Variants in TJP1 observed in about 807,000 individuals in gnomAD.
The protein encoded by TJP1 is tight junction protein 1, also known as tight junction protein ZO-1.
A neutral mutation model predicts 194.2 loss-of-function variants in TJP1; 43 were observed. That is an observed-to-expected ratio of 0.22 (90% CI 0.17 to 0.29). The LOEUF is 0.29. Among genes scored for constraint, TJP1 ranks in the 10% least tolerant of loss-of-function variants. TJP1 has a pLI of 1.00. For synonymous variants in TJP1, 801 were observed against 779.0 expected (o/e 1.03, Z -0.47); for missense variants, 1,971 against 2,185.7 (o/e 0.90, Z 1.96).
At chr15:29,924,895 C>T (rs2054479291) in intron 2 of TJP1, among the ~76,000 whole-genome samples, 1 of 152,220 alleles carries the variant, frequency 6.6e-6, no homozygotes, top group African/African-American at 2.4e-5. Context: ...TGACTCCTCC[C>T]CATAGTCCCA....
intron 2 of TJP1, among the ~76,000 whole-genome samples, chr15:29,922,783 CAG>C (rs1459522340): frequency 3.3e-5 from 5 of 152,052 alleles, no homozygotes; most frequent in Admixed American, 2.6e-4. Context: ...AACAGGTTAA[CAG>C]TGTAATAATG....
intron 2 of TJP1, among the ~76,000 whole-genome samples, chr15:29,830,955 G>C (rs1266556435): frequency 6.6e-6 from 1 of 151,876 alleles, no homozygotes; most frequent in African/African-American, 2.4e-5. Context: ...ATCCTCAAAA[G>C]AAAAGAAACA....
chr15:29,786,652 G>A (rs375668276), intron 2 of TJP1, among the ~76,000 whole-genome samples: 1 of 152,036 alleles, frequency 6.6e-6, no homozygotes, highest in South Asian at 2.1e-4. Context: ...AGGTGGACAC[G>A]ACCATGCCTG....
At chr15:29,933,211 C>T (rs1161904500) in intron 2 of TJP1, among the ~76,000 whole-genome samples, 2 of 152,064 alleles carry the variant, frequency 1.3e-5, no homozygotes, top group African/African-American at 2.4e-5. Context: ...TGATGACATC[C>T]ATCAGTCAGT....
chr15:29,787,442 A>G (rs2047769057), intron 2 of TJP1, among the ~76,000 whole-genome samples: 1 of 152,206 alleles, frequency 6.6e-6, no homozygotes, highest in South Asian at 2.1e-4. Context: ...GAAAACACAT[A>G]CATTGGACCC....
chr15:29,818,007 A>C (rs552025014), intron 1 of TJP1, among the ~76,000 whole-genome samples: 5 of 152,024 alleles, frequency 3.3e-5, no homozygotes, highest in African/African-American at 1.2e-4. Context: ...CCCAGAACTT[A>C]ATTAAAAAAA....
chr15:29,822,468 C>A lies in TJP1; in HGVS notation c.-440G>T, dbSNP rs911176967. The stretch of plus-strand genomic sequence containing the variant: ...GCCGGCGCCGGCAACTCAGCGGCCA[C>A]GCAAACCTGCCGGCCCGGCCCACTG... On this transcript the variant is annotated 5_prime_UTR_variant, in exon 1 of 28. Coordinates refer to ENST00000614355, the MANE Select transcript of TJP1 (RefSeq NM_001330239.4). The A allele has an allele frequency of 7.1e-6, 7 of 985,360 alleles. No homozygotes were observed. The African/African-American group carries it at 1.0e-4, about 15-fold the overall frequency. The allele number at this position is 985,360 out of a possible 1,614,324, so 61.0% of individuals were successfully genotyped here.
intron 1 of TJP1, chr15:29,820,405 C>T (rs559787379): frequency 3.1e-5 from 20 of 647,190 alleles, no homozygotes; most frequent in Non-Finnish European, 5.6e-5. Context: ...TTTCAACTTG[C>T]CCTTTACTCG....
chr15:29,825,458 T>G (rs1402609865), upstream of TJP1, among the ~76,000 whole-genome samples: 1 of 152,208 alleles, frequency 6.6e-6, no homozygotes, highest in Non-Finnish European at 1.5e-5. Flanking sequence ...GACAACTTCC[T>G]GTGGGATTTT....
At chr15:29,836,402 A>T (rs1484433636) in intron 2 of TJP1, among the ~76,000 whole-genome samples, 3 of 151,834 alleles carry the variant, frequency 2.0e-5, no homozygotes, top group Non-Finnish European at 2.9e-5. Context: ...CCTCCCGAGT[A>T]GCTGGGACTA....
chr15:29,851,333 C>A (rs985016980), intron 2 of TJP1, among the ~76,000 whole-genome samples: 1 of 151,644 alleles, frequency 6.6e-6, no homozygotes, highest in Non-Finnish European at 1.5e-5. Context: ...GTATAATAAC[C>A]AAATACTATA....
At chr15:29,734,198 TA>T in intron 12 of TJP1, 75 bp downstream of exon 12, 1 of 1,045,498 alleles carries the variant, frequency 9.6e-7, no homozygotes, top group East Asian at 2.5e-5. Flanking sequence ...ACTTATTTTT[TA>T]AAAATGGAAT....
At chr15:29,811,445 T>TGTGGGGGGGGGGGGGGGGGGGGGGGGG (rs2049502676) in intron 1 of TJP1, among the ~76,000 whole-genome samples, 1 of 14,632 alleles carries the variant, frequency 6.8e-5, no homozygotes, top group African/African-American at 2.5e-4. Context: ...GGGGGGGTGG[T>TGTGGGGGGGGGGGGGGGGGGGGGGGGG]GGGAGGGAGA....
chr15:29,716,632 T>C lies in TJP1; in HGVS notation c.4181A>G (p.Asn1394Ser), dbSNP rs767187733. The change falls in exon 23 of 28, where the codon AAT becomes AGT. Residue 1394 changes from asparagine to serine, a missense_variant. Asn to Ser is a conservative substitution (Grantham distance 46). Transcript: ENST00000614355. ...AKPAHSQNQS[N>S]FSSYSSKGKP... Reference sequence around the variant, plus strand: ...TTACTTTGAAGAATAACTAGAAAAATTTGATTGATTCTGAGAATGCGCTGG... The same window carrying C: ...TTACTTTGAAGAATAACTAGAAAAACTTGATTGATTCTGAGAATGCGCTGG... 1.9e-6 allele frequency: 3 copies of C among 1,612,382 alleles called. No individual in the cohort carries two copies. Among genetic ancestry groups the C allele is most frequent in the African/African-American group, 1.3e-5 (1 of 74,990 alleles).
chr15:29,731,360 T>G (rs1382315533), intron 15 of TJP1, among the ~76,000 whole-genome samples: 8 of 152,214 alleles, frequency 5.3e-5, no homozygotes, highest in Non-Finnish European at 1.2e-4. Flanking sequence ...CAGCATAGAC[T>G]TAACTCCCTT....
At chr15:29,899,818 T>C (rs1236147055) in intron 2 of TJP1, among the ~76,000 whole-genome samples, 1 of 152,150 alleles carries the variant, frequency 6.6e-6, no homozygotes, top group East Asian at 1.9e-4. Flanking sequence ...AAAATAGTTG[T>C]CCAATGGCAG....
chr15:29,863,298 A>T (rs1034979950), intron 2 of TJP1, among the ~76,000 whole-genome samples: 6 of 151,068 alleles, frequency 4.0e-5, no homozygotes, highest in Admixed American at 2.0e-4. Context: ...TTTGTCTCAA[A>T]AAATAAATAA....
intron 2 of TJP1, among the ~76,000 whole-genome samples, chr15:29,886,997 G>T (rs2053135777): frequency 6.6e-6 from 1 of 151,920 alleles, no homozygotes; most frequent in African/African-American, 2.4e-5. Flanking sequence ...GCCACAACAT[G>T]TAAGCCGTGT....
At chr15:29,777,073 T>TACTTTAGTAC (rs781351866) in intron 2 of TJP1, among the ~76,000 whole-genome samples, 22 of 152,210 alleles carry the variant, frequency 1.4e-4, no homozygotes, top group Non-Finnish European at 2.8e-4. Context: ...ATCACACAAG[T>TACTTTAGTAC]ACTTTAGTAC....
Sources: gnomAD v4.1 joint callset for allele counts (sites outside exome capture counted in the v4.1 genomes callset) on GRCh38, gnomAD v4.1.1 for gene constraint, MANE v1.5 for transcripts, NCBI Gene and HGNC (gene_info 2026-07-23, HGNC 2026-07-21) for gene names.